The following CCDC102B variants were observed in gnomAD, a reference collection of about 807,000 sequenced individuals.
The protein encoded by CCDC102B is coiled-coil domain containing 102B, also known as coiled-coil domain-containing protein 102B.
Under a neutral mutation model 57.4 loss-of-function variants are expected in CCDC102B, and 75 were observed. That is an observed-to-expected ratio of 1.31 (90% CI 1.08 to 1.58). CCDC102B has a LOEUF of 1.58. Ranked by LOEUF, CCDC102B falls within the 40% of genes most tolerant of loss-of-function variation. The probability of loss-of-function intolerance (pLI) is 0.00; values close to 1 mark genes in which losing one functional copy is unlikely to be tolerated. For missense variants in CCDC102B, 636 were observed against 582.6 expected (o/e 1.09, Z -0.94); for synonymous variants, 206 against 201.9 (o/e 1.02, Z -0.17).
intron 7 of CCDC102B, among the ~76,000 whole-genome samples, chr18:69,049,375 C>T (rs1241487659): frequency 6.6e-6 from 1 of 151,266 alleles, no homozygotes; most frequent in Non-Finnish European, 1.5e-5. Context: ...TGAATTCATC[C>T]TTTTTTTTTC....
At chr18:68,769,377 A>G (rs1163405668) in intron 2 of CCDC102B, among the ~76,000 whole-genome samples, 1 of 152,100 alleles carries the variant, frequency 6.6e-6, no homozygotes, top group Non-Finnish European at 1.5e-5. Flanking sequence ...ATCTCATCTA[A>G]CCCTTATTAC....
rs548501616 is a variant in CCDC102B, at chr18:68,835,545, C to A, written c.-15-1204C>A. On this transcript the variant is annotated intron_variant, in intron 1 of 7. Coordinates refer to ENST00000360242, the MANE Select transcript of CCDC102B (RefSeq NM_024781.3). ...TAATATTTTATTTTTGACCTTATCA[C>A]AATATTAACCACAGTAAGAAATTAA... is the stretch of plus-strand genomic sequence containing the variant. 1.8e-4 allele frequency among the ~76,000 whole-genome samples: 27 copies of A among 152,254 alleles called. 1 individual carries two copies. In the South Asian group the frequency reaches 2.5e-3, roughly 14 times the overall value.
At position 68,960,343 on chromosome 18, in the gene CCDC102B, G is replaced by GTCCTTA. The variant is rs775417308; in HGVS notation, c.1264-50591_1264-50590insTCCTTA. Among the ~76,000 whole-genome samples the GTCCTTA allele has an allele frequency of 3.1e-3, 379 of 123,798 alleles. 1 individual carries two copies. Among genetic ancestry groups the GTCCTTA allele is most frequent in the African/African-American group, 0.012 (349 of 29,846 alleles). 81.2% of individuals were successfully genotyped at this position (123,798 alleles called of 152,430 possible). A position where few individuals can be genotyped will look rare whatever the true frequency, so the allele number is the denominator to read the frequency against. On this transcript the variant is annotated intron_variant, in intron 6 of 7. Transcript: ENST00000360242. ...TCCAGAAGGTAAGGCCTGTATTGGG[G>GTCCTTA]GCCTGATGCCCTATTCTACTGTGGC...
At chr18:68,740,903 G>A (rs2033351193) in intron 2 of CCDC102B, among the ~76,000 whole-genome samples, 1 of 152,122 alleles carries the variant, frequency 6.6e-6, no homozygotes, top group South Asian at 2.1e-4. Context: ...TTATCTATCA[G>A]TTTGCTCAGC....
chr18:68,821,762 T>TTGATC (rs2036700255), intron 1 of CCDC102B, among the ~76,000 whole-genome samples: 1 of 152,022 alleles, frequency 6.6e-6, no homozygotes, highest in Non-Finnish European at 1.5e-5. Context: ...TAGATGTTAA[T>TTGATC]TAGTAACTGA....
At chr18:68,725,856 C>T (rs2032570085) in intron 2 of CCDC102B, among the ~76,000 whole-genome samples, 1 of 152,210 alleles carries the variant, frequency 6.6e-6, no homozygotes, top group Non-Finnish European at 1.5e-5. Flanking sequence ...CTGCCTACCA[C>T]AGGCAATAAT....
intron 6 of CCDC102B, among the ~76,000 whole-genome samples, chr18:68,950,167 G>A (rs2049654910): frequency 6.6e-6 from 1 of 152,000 alleles, no homozygotes; most frequent in African/African-American, 2.4e-5. Context: ...GAAGACTCTT[G>A]GTAATGCCTT....
At chr18:69,006,585 CTTTTTTTTTTTTTTTTT>C (rs200615759) in intron 6 of CCDC102B, among the ~76,000 whole-genome samples, 3 of 134,240 alleles carry the variant, frequency 2.2e-5, no homozygotes, top group Non-Finnish European at 4.6e-5. Context: ...CCACACAGGG[CTTTTTTTTTTTTTTTTT>C]TTTTTTTTTT....
chr18:68,852,818 C>T (rs1012743604), intron 4 of CCDC102B, among the ~76,000 whole-genome samples: 9 of 152,052 alleles, frequency 5.9e-5, no homozygotes, highest in East Asian at 3.9e-4. Context: ...TTGAACGAAA[C>T]GATTTTTGAT....
chr18:68,848,531 A>G (rs1161957433), intron 4 of CCDC102B, among the ~76,000 whole-genome samples: 2 of 152,078 alleles, frequency 1.3e-5, no homozygotes, highest in African/African-American at 4.8e-5. Flanking sequence ...TCATTCTTCA[A>G]TTACTGACAC....
At chr18:69,046,242 C>T (rs2145485976) in intron 7 of CCDC102B, among the ~76,000 whole-genome samples, 1 of 152,304 alleles carries the variant, frequency 6.6e-6, no homozygotes, top group Admixed American at 6.5e-5. Flanking sequence ...TCCCTATCCT[C>T]TGCAACCTCG....
rs192765355 is a variant in CCDC102B, at chr18:68,870,642, C to T, written c.937-4027C>T. On this transcript the variant is annotated intron_variant, in intron 4 of 7. Transcript: ENST00000360242. Reference sequence around the variant, plus strand: ...CAAATTTGTGTATTTCATCACAGGACGTCCTTAGCTCCTATTTCTCTATGA... The same window carrying T: ...CAAATTTGTGTATTTCATCACAGGATGTCCTTAGCTCCTATTTCTCTATGA... 3.0e-3 allele frequency among the ~76,000 whole-genome samples: 464 copies of T among 152,172 alleles called. 3 individuals carry two copies. The highest frequency in any genetic ancestry group is 0.011 in the African/African-American group (454 of 41,516).
intron 6 of CCDC102B, among the ~76,000 whole-genome samples, chr18:68,925,520 C>T (rs569960533): frequency 3.3e-5 from 5 of 152,082 alleles, no homozygotes; most frequent in East Asian, 3.9e-4. Flanking sequence ...ATTAGTTTTG[C>T]CTTTCCTTTT....
intron 6 of CCDC102B, among the ~76,000 whole-genome samples, chr18:68,953,651 A>G (rs11874493): frequency 0.011 from 1,693 of 152,156 alleles, 33 homozygotes; most frequent in African/African-American, 0.039. Flanking sequence ...ATTTCTAGAT[A>G]TATGCTTTAA....
At chr18:68,934,544 C>G (rs2041781463) in intron 6 of CCDC102B, among the ~76,000 whole-genome samples, 1 of 151,812 alleles carries the variant, frequency 6.6e-6, no homozygotes, top group Admixed American at 6.6e-5. Context: ...AAGTTTGGCC[C>G]AGGTATTTAA....
intron 6 of CCDC102B, among the ~76,000 whole-genome samples, chr18:68,995,951 G>C (rs966615358): frequency 6.6e-6 from 1 of 152,226 alleles, no homozygotes; most frequent in Non-Finnish European, 1.5e-5. Context: ...GCCCAAGATT[G>C]TGGGAGCTCA....
chr18:68,874,788 A>G lies in CCDC102B; in HGVS notation c.1053+3A>G, dbSNP rs759185837. Reference sequence around the variant, plus strand: ...TGATTTGTGAGTTAAGAGCAGAGGTAAGACACTGGGTAAAGAGTACCATAT... The same window carrying G: ...TGATTTGTGAGTTAAGAGCAGAGGTGAGACACTGGGTAAAGAGTACCATAT... On this transcript the variant is annotated splice_donor_region_variant and intron_variant, in intron 5 of 7. Coordinates refer to ENST00000360242, the MANE Select transcript of CCDC102B (RefSeq NM_024781.3). The G allele has an allele frequency of 1.3e-6, 2 of 1,524,096 alleles. No individual in the cohort carries two copies. Among genetic ancestry groups the G allele is most frequent in the Non-Finnish European group, 1.8e-6 (2 of 1,099,112 alleles). 94.4% of individuals were successfully genotyped at this position (1,524,096 alleles called of 1,614,324 possible). A position where few individuals can be genotyped will look rare whatever the true frequency, so the allele number is the denominator to read the frequency against.
At position 68,917,402 on chromosome 18, in the gene CCDC102B, G is replaced by A. The variant is rs77989555; in HGVS notation, c.1263+19974G>A. ...TAGCTACACGTACTGTGGAAACTGC[G>A]GGAAAGATGCAAAGAAAGGAGTCTT... is the stretch of plus-strand genomic sequence containing the variant. On this transcript the variant is annotated intron_variant, in intron 6 of 7. Coordinates refer to ENST00000360242, the MANE Select transcript of CCDC102B (RefSeq NM_024781.3). Among the ~76,000 whole-genome samples, 472 of 152,166 alleles carry A rather than the reference G, an allele frequency of 3.1e-3. 5 individuals are homozygous for A. Among genetic ancestry groups the A allele is most frequent in the East Asian group, 0.021 (106 of 5,154 alleles).
chr18:68,953,383 C>G (rs1379407188), intron 6 of CCDC102B, among the ~76,000 whole-genome samples: 2 of 135,674 alleles, frequency 1.5e-5, no homozygotes, highest in African/African-American at 5.5e-5. Context: ...TTGACAACAG[C>G]GGTCCTTACA....
Sources: gnomAD v4.1 joint callset for allele counts (sites outside exome capture counted in the v4.1 genomes callset) on GRCh38, gnomAD v4.1.1 for gene constraint, MANE v1.5 for transcripts, NCBI Gene and HGNC (gene_info 2026-07-23, HGNC 2026-07-21) for gene names.